SIPA1L3: variants seen among roughly 807,000 people sequenced by gnomAD.
SIPA1L3 encodes signal induced proliferation associated 1 like 3.
Under a neutral mutation model 150.1 loss-of-function variants are expected in SIPA1L3, and 59 were observed. The ratio of observed to expected loss-of-function variants is 0.39; its 90% confidence interval spans 0.32 to 0.49. SIPA1L3 has a LOEUF of 0.49. Ranked by LOEUF, SIPA1L3 falls within the 20% of genes least tolerant of loss-of-function variation. SIPA1L3 has a pLI of 0.86. For synonymous variants in SIPA1L3, 1,070 were observed against 1,077.6 expected (o/e 0.99, Z 0.14); for missense variants, 2,211 against 2,489.5 (o/e 0.89, Z 2.38).
chr19:38,182,580 C>A lies in SIPA1L3; in HGVS notation c.4270C>A (p.Pro1424Thr), dbSNP rs1372589271. ...QVYKTASAETPRPSQLAQPSP... is the reference protein window; with the variant it reads ...QVYKTASAETTRPSQLAQPSP... The stretch of plus-strand genomic sequence containing the variant: ...TTACAAAACTGCCAGTGCAGAGACT[C>A]CTCGGCCCTCCCAGCTGGCCCAGCC... The change falls in exon 16 of 22, where the codon CCT (proline) becomes ACT (threonine). Residue 1424 changes from proline to threonine, a missense_variant. Coordinates refer to ENST00000222345, the MANE Select transcript of SIPA1L3 (RefSeq NM_015073.3). 5 of 1,614,210 alleles carry A rather than the reference C, an allele frequency of 3.1e-6. No homozygotes were observed. Among genetic ancestry groups the A allele is most frequent in the South Asian group, 1.1e-5 (1 of 91,068 alleles).
chr19:38,024,380 T>G (rs547366904), intron 1 of SIPA1L3, among the ~76,000 whole-genome samples: 1 of 152,300 alleles, frequency 6.6e-6, no homozygotes, highest in South Asian at 2.1e-4. Flanking sequence ...GTAGGCCTGT[T>G]TTATAAAGCA....
intron 2 of SIPA1L3, among the ~76,000 whole-genome samples, chr19:38,055,371 C>T (rs1001396070): frequency 3.3e-5 from 5 of 152,200 alleles, no homozygotes; most frequent in African/African-American, 1.2e-4. Flanking sequence ...CTCATGCTCC[C>T]AAGATGACGG....
intron 1 of SIPA1L3, among the ~76,000 whole-genome samples, chr19:37,979,143 G>A (rs906292669): frequency 2.6e-5 from 4 of 152,056 alleles, no homozygotes; most frequent in Admixed American, 2.0e-4. Context: ...GCCTGCGGGC[G>A]AGATCCAACT....
rs764565234 is a variant in SIPA1L3, at chr19:38,081,782, G to A, written c.217G>A (p.Ala73Thr). Residue 73 changes from alanine to threonine, a missense_variant, in exon 3 of 22, where the codon GCA becomes ACA. Physicochemically the swap from Ala to Thr is moderately conservative, Grantham distance 58 (BLOSUM62 0). Coordinates refer to ENST00000222345, the MANE Select transcript of SIPA1L3 (RefSeq NM_015073.3). ...CACCCGCCCCAGCCCCACCACTCCC[G>A]CAATGCCCAAGATGGGCGTGCGCGC... ...ATTRPSPTTP[A>T]MPKMGVRARV... 51 of 1,504,092 alleles carry A rather than the reference G, an allele frequency of 3.4e-5. No homozygotes were observed. Among genetic ancestry groups the A allele is most frequent in the Non-Finnish European group, 4.1e-5 (46 of 1,112,906 alleles). 93.2% of individuals were successfully genotyped at this position (1,504,092 alleles called of 1,614,324 possible). A position where few individuals can be genotyped will look rare whatever the true frequency, so the allele number is the denominator to read the frequency against.
At chr19:38,106,112 T>A (rs1970618023) in intron 6 of SIPA1L3, among the ~76,000 whole-genome samples, 1 of 151,346 alleles carries the variant, frequency 6.6e-6, no homozygotes, top group Non-Finnish European at 1.5e-5. Flanking sequence ...TATTTAATTT[T>A]TTTTTTTTTT....
chr19:37,936,600 A>G (rs2046602841), intron 1 of SIPA1L3, among the ~76,000 whole-genome samples: 1 of 152,194 alleles, frequency 6.6e-6, no homozygotes, highest in South Asian at 2.1e-4. Flanking sequence ...AACTCAGTGA[A>G]TCTTCACAGT....
intron 15 of SIPA1L3, among the ~76,000 whole-genome samples, chr19:38,172,067 C>T (rs557797940): frequency 6.6e-5 from 10 of 152,224 alleles, no homozygotes; most frequent in Non-Finnish European, 1.2e-4. Context: ...GTGCTGGCAG[C>T]GAGACAGGAG....
chr19:38,085,824 G>A (rs1036720566), intron 3 of SIPA1L3, among the ~76,000 whole-genome samples: 11 of 152,084 alleles, frequency 7.2e-5, no homozygotes, highest in African/African-American at 2.7e-4. Flanking sequence ...GTGAGACCCT[G>A]TCTCCACTAA....
At chr19:37,958,830 C>G (rs75753143) in intron 1 of SIPA1L3, among the ~76,000 whole-genome samples, 143 of 152,298 alleles carry the variant, frequency 9.4e-4, no homozygotes, top group African/African-American at 3.2e-3. Flanking sequence ...AGAACTCTCA[C>G]AACTTGACAA....
At chr19:38,000,645 A>C (rs557010691) in intron 1 of SIPA1L3, among the ~76,000 whole-genome samples, 2 of 144,860 alleles carry the variant, frequency 1.4e-5, no homozygotes, top group Admixed American at 7.3e-5. Flanking sequence ...TCGATGTTCA[A>C]AATCTCCTAG....
At chr19:38,097,196 C>T (rs1970398911) in intron 4 of SIPA1L3, among the ~76,000 whole-genome samples, 1 of 151,806 alleles carries the variant, frequency 6.6e-6, no homozygotes, top group Non-Finnish European at 1.5e-5. Flanking sequence ...AAAAAATATA[C>T]AAAATTAGCC....
intron 19 of SIPA1L3, 99 bp from the exon 20 acceptor site, chr19:38,201,763 G>A: frequency 7.5e-7 from 1 of 1,336,446 alleles, no homozygotes; most frequent in African/African-American, 1.5e-5. Context: ...AGTGTGATAG[G>A]AGGCATCATG....
chr19:38,135,219 C>T (rs570132230), intron 10 of SIPA1L3, among the ~76,000 whole-genome samples: 1 of 152,338 alleles, frequency 6.6e-6, no homozygotes, highest in Non-Finnish European at 1.5e-5. Flanking sequence ...CTTGCTCTCT[C>T]TCCACTTGGT....
At chr19:38,036,269 G>T (rs1968783077) in intron 2 of SIPA1L3, among the ~76,000 whole-genome samples, 3 of 152,236 alleles carry the variant, frequency 2.0e-5, no homozygotes, top group Admixed American at 6.5e-5. Flanking sequence ...GATTCGGAGG[G>T]AAGGTTGTCA....
intron 1 of SIPA1L3, among the ~76,000 whole-genome samples, chr19:38,017,741 G>C (rs1406719091): frequency 6.6e-6 from 1 of 151,844 alleles, no homozygotes; most frequent in African/African-American, 2.4e-5. Flanking sequence ...GTGTTGCCCA[G>C]TCTGGCTTTG....
intron 13 of SIPA1L3, among the ~76,000 whole-genome samples, chr19:38,159,186 C>T (rs894477356): frequency 6.6e-5 from 10 of 152,228 alleles, no homozygotes; most frequent in African/African-American, 2.4e-4. Context: ...CACGCGGTGA[C>T]ACCCTCAACT....
At chr19:38,079,482 G>A (rs1022168372) in intron 2 of SIPA1L3, among the ~76,000 whole-genome samples, 2 of 152,122 alleles carry the variant, frequency 1.3e-5, no homozygotes, top group Non-Finnish European at 2.9e-5. Context: ...AATTAAGAAA[G>A]GCTTCCAGAA....
At chr19:37,941,228 G>T (rs181994249) in intron 1 of SIPA1L3, among the ~76,000 whole-genome samples, 98 of 152,218 alleles carry the variant, frequency 6.4e-4, no homozygotes, top group Non-Finnish European at 7.9e-4. Context: ...GTTAGTGGCC[G>T]TGGATGACCA....
chr19:37,960,529 G>A (rs866904209), intron 1 of SIPA1L3, among the ~76,000 whole-genome samples: 7 of 151,254 alleles, frequency 4.6e-5, no homozygotes, highest in African/African-American at 1.2e-4. Flanking sequence ...TCAGCCTCCC[G>A]AGTAGCTGGG....
Sources: gnomAD v4.1 joint callset for allele counts (sites outside exome capture counted in the v4.1 genomes callset) on GRCh38, gnomAD v4.1.1 for gene constraint, MANE v1.5 for transcripts, NCBI Gene and HGNC (gene_info 2026-07-23, HGNC 2026-07-21) for gene names.